GALNT13: variants seen among roughly 807,000 people sequenced by gnomAD.
The protein encoded by GALNT13 is UDP-GalNAc:polypeptide N-acetylgalactosaminyltransferase 13.
Under a neutral mutation model 64.2 loss-of-function variants are expected in GALNT13, and 28 were observed. The ratio of observed to expected loss-of-function variants is 0.44; its 90% confidence interval spans 0.32 to 0.60. The LOEUF is 0.60. GALNT13 is among the 20% of genes least tolerant of loss of function. GALNT13 has a pLI of 0.05. For missense variants in GALNT13, 577 were observed against 669.8 expected (o/e 0.86, Z 1.53); for synonymous variants, 214 against 224.6 (o/e 0.95, Z 0.42).
the GALNT13 span, among the ~76,000 whole-genome samples, chr2:153,533,927 G>A: frequency 2.7e-5 from 4 of 150,756 alleles, no homozygotes; most frequent in South Asian, 2.1e-4. Flanking sequence ...TCTGGAGAAC[G>A]GGGTCTTGCT....
At chr2:154,420,282 A>G (rs992542495) in intron 11 of GALNT13, among the ~76,000 whole-genome samples, 7 of 152,030 alleles carry the variant, frequency 4.6e-5, no homozygotes, top group East Asian at 1.9e-4. Context: ...TTGCCCACCA[A>G]TTTGTCTCCT....
the GALNT13 span, among the ~76,000 whole-genome samples, chr2:153,671,368 C>T: frequency 2.6e-5 from 4 of 152,148 alleles, no homozygotes; most frequent in African/African-American, 4.8e-5. Context: ...AGAAACCTTA[C>T]AAGCCAGAAA....
intron 3 of GALNT13, among the ~76,000 whole-genome samples, chr2:153,972,473 A>G (rs72866824): frequency 1.3e-5 from 2 of 152,012 alleles, no homozygotes; most frequent in African/African-American, 4.8e-5. Flanking sequence ...ATACTTTTTT[A>G]TGGAAGTCCC....
intron 11 of GALNT13, among the ~76,000 whole-genome samples, chr2:154,432,857 A>G (rs755932271): frequency 3.3e-5 from 5 of 152,194 alleles, no homozygotes; most frequent in African/African-American, 9.6e-5. Flanking sequence ...TAGTACTTCA[A>G]TATATCATCT....
At chr2:153,848,965 A>T in the GALNT13 span, among the ~76,000 whole-genome samples, 1 of 110,700 alleles carries the variant, frequency 9.0e-6, no homozygotes, top group South Asian at 3.2e-4. Context: ...TCTTGATCCC[A>T]AAAAATGACA....
intron 3 of GALNT13, among the ~76,000 whole-genome samples, chr2:154,091,778 C>T (rs13005648): frequency 0.24 from 35,857 of 151,548 alleles, 4,591 homozygotes; most frequent in Non-Finnish European, 0.28. Context: ...AACTGAAAGG[C>T]CTTTTATTTT....
chr2:153,129,529 C>A, the GALNT13 span, among the ~76,000 whole-genome samples: 1 of 152,138 alleles, frequency 6.6e-6, no homozygotes, highest in Non-Finnish European at 1.5e-5. Flanking sequence ...AATCCCAGCA[C>A]TTTGGGAGGC....
intron 3 of GALNT13, among the ~76,000 whole-genome samples, chr2:153,946,534 G>T (rs2105390430): frequency 6.6e-6 from 1 of 152,150 alleles, no homozygotes; most frequent in Admixed American, 6.6e-5. Context: ...CAAGATGAAG[G>T]TGCTAGCAGA....
At chr2:153,745,451 C>G in the GALNT13 span, among the ~76,000 whole-genome samples, 1 of 152,052 alleles carries the variant, frequency 6.6e-6, no homozygotes, top group East Asian at 1.9e-4. Context: ...GGTTTGGGCA[C>G]CTGATGAATG....
chr2:153,170,934 T>G, the GALNT13 span, among the ~76,000 whole-genome samples: 1 of 152,190 alleles, frequency 6.6e-6, no homozygotes, highest in Non-Finnish European at 1.5e-5. Context: ...ATAGATAAAA[T>G]AATTATGAAA....
chr2:153,388,004 T>C, the GALNT13 span, among the ~76,000 whole-genome samples: 1 of 130,166 alleles, frequency 7.7e-6, no homozygotes, highest in Non-Finnish European at 1.6e-5. Context: ...TTGGGAATTG[T>C]GGAATGAGTG....
chr2:153,133,601 A>G, the GALNT13 span, among the ~76,000 whole-genome samples: 58 of 152,286 alleles, frequency 3.8e-4, no homozygotes, highest in African/African-American at 1.3e-3. Flanking sequence ...AGAAAGTCCT[A>G]TAACAGCTCT....
chr2:153,968,185 C>G (rs1693501529), intron 3 of GALNT13, among the ~76,000 whole-genome samples: 1 of 152,142 alleles, frequency 6.6e-6, no homozygotes, highest in African/African-American at 2.4e-5. Flanking sequence ...CTGGTTGCCA[C>G]TCAAAGTTAT....
chr2:154,340,397 T>C (rs958214104), intron 9 of GALNT13, among the ~76,000 whole-genome samples: 7 of 152,098 alleles, frequency 4.6e-5, no homozygotes, highest in African/African-American at 1.4e-4. Flanking sequence ...GCCCTCCTCA[T>C]TGATAAAACA....
At chr2:153,718,925 C>T in the GALNT13 span, among the ~76,000 whole-genome samples, 1 of 152,124 alleles carries the variant, frequency 6.6e-6, no homozygotes, top group Non-Finnish European at 1.5e-5. Context: ...TAATTAAACA[C>T]GGGGGTTCTC....
chr2:153,712,828 C>A, the GALNT13 span, among the ~76,000 whole-genome samples: 2 of 152,224 alleles, frequency 1.3e-5, no homozygotes, highest in East Asian at 3.9e-4. Context: ...TGAAGCTGAC[C>A]TGGAGAGTCA....
intron 4 of GALNT13, among the ~76,000 whole-genome samples, chr2:154,190,785 G>C (rs899520202): frequency 2.6e-5 from 4 of 152,042 alleles, no homozygotes; most frequent in African/African-American, 4.8e-5. Context: ...TTTTTTCCTA[G>C]TAATCACTTC....
intron 1 of GALNT13, among the ~76,000 whole-genome samples, chr2:153,882,059 T>A (rs1686822136): frequency 6.6e-6 from 1 of 152,104 alleles, no homozygotes; most frequent in South Asian, 2.1e-4. Context: ...GAACTATTTT[T>A]ATCTAAACTA....
the GALNT13 span, among the ~76,000 whole-genome samples, chr2:153,587,284 G>T: frequency 6.6e-6 from 1 of 151,612 alleles, no homozygotes; most frequent in Non-Finnish European, 1.5e-5. Context: ...AAATAAAATG[G>T]GGACAAAACA....
Sources: gnomAD v4.1 joint callset for allele counts (sites outside exome capture counted in the v4.1 genomes callset) on GRCh38, gnomAD v4.1.1 for gene constraint, MANE v1.5 for transcripts, NCBI Gene and HGNC (gene_info 2026-07-23, HGNC 2026-07-21) for gene names.